Variants in PCNX1 observed in about 807,000 individuals in gnomAD.
The protein encoded by PCNX1 is pecanex 1, also known as pecanex-like protein 1.
In PCNX1, 78 loss-of-function variants were observed where a neutral mutation model predicts 242.2. The observed-to-expected ratio is 0.32, with a 90% confidence interval of 0.27 to 0.39. The LOEUF (loss-of-function observed/expected upper bound fraction) is 0.39. Among genes scored for constraint, PCNX1 ranks in the 10% least tolerant of loss-of-function variants. The probability of loss-of-function intolerance (pLI) is 1.00; values close to 1 mark genes in which losing one functional copy is unlikely to be tolerated. For missense variants in PCNX1, 2,581 were observed against 2,856.5 expected (o/e 0.90, Z 2.20); for synonymous variants, 1,024 against 1,032.9 (o/e 0.99, Z 0.17).
At chr14:70,985,067 G>T (rs957215178) in intron 6 of PCNX1, among the ~76,000 whole-genome samples, 1 of 152,200 alleles carries the variant, frequency 6.6e-6, no homozygotes, top group Non-Finnish European at 1.5e-5. Context: ...TGTCTAAAAT[G>T]TAAGAGGATA....
intron 11 of PCNX1, among the ~76,000 whole-genome samples, chr14:71,015,304 A>G (rs2059932579): frequency 6.6e-6 from 1 of 152,226 alleles, no homozygotes; most frequent in Non-Finnish European, 1.5e-5. Context: ...GGATAAATGT[A>G]AAATATTTTT....
At chr14:71,009,847 CAAAT>C (rs941252162) in intron 9 of PCNX1, 123 bp downstream of exon 9, 141 of 468,632 alleles carry the variant, frequency 3.0e-4, no homozygotes, top group Middle Eastern at 2.2e-3. Context: ...TGTTAATTGA[CAAAT>C]AAAAATCATA....
At chr14:71,005,046 G>GGGGAGGTA (rs1396910846) in intron 8 of PCNX1, among the ~76,000 whole-genome samples, 1 of 152,162 alleles carries the variant, frequency 6.6e-6, no homozygotes, top group Non-Finnish European at 1.5e-5. Flanking sequence ...GGGAAGGTTG[G>GGGGAGGTA]GGGAGGTAGG....
intron 5 of PCNX1, among the ~76,000 whole-genome samples, chr14:70,970,637 A>G (rs1221621127): frequency 6.6e-6 from 1 of 152,344 alleles, no homozygotes; most frequent in South Asian, 2.1e-4. Flanking sequence ...AGTGATGTCT[A>G]ACATGCACTG....
intron 26 of PCNX1, among the ~76,000 whole-genome samples, chr14:71,062,999 A>G (rs1032518293): frequency 2.0e-5 from 3 of 152,176 alleles, no homozygotes; most frequent in Non-Finnish European, 2.9e-5. Flanking sequence ...GCAATAGGCT[A>G]TATTATATAG....
chr14:71,067,495 G>T (rs1566768633), intron 26 of PCNX1, among the ~76,000 whole-genome samples: 2 of 151,938 alleles, frequency 1.3e-5, no homozygotes, highest in South Asian at 4.2e-4. Context: ...ATTTGATTCT[G>T]CTCTCTTTTC....
At chr14:71,108,358 A>G (rs377017257) in intron 33 of PCNX1, among the ~76,000 whole-genome samples, 1 of 152,236 alleles carries the variant, frequency 6.6e-6, no homozygotes, top group African/African-American at 2.4e-5. Flanking sequence ...ATTGTCTTTC[A>G]TATGCCACAG....
At chr14:71,022,256 T>A (rs2060124236) in intron 12 of PCNX1, among the ~76,000 whole-genome samples, 1 of 152,160 alleles carries the variant, frequency 6.6e-6, no homozygotes, top group Admixed American at 6.6e-5. Context: ...ATCATTTAAA[T>A]TCATTTTGCG....
chr14:71,078,105 G>C (rs946023598), intron 28 of PCNX1, among the ~76,000 whole-genome samples: 2 of 152,184 alleles, frequency 1.3e-5, no homozygotes, highest in Admixed American at 1.3e-4. Context: ...TCATCAGGTA[G>C]CTTATTTCAC....
chr14:70,926,493 C>T (rs921619846), intron 1 of PCNX1, among the ~76,000 whole-genome samples: 9 of 152,312 alleles, frequency 5.9e-5, no homozygotes, highest in African/African-American at 1.7e-4. Flanking sequence ...CAATTGGCTG[C>T]ATGTTTCAAG....
Position 71,103,502 on chromosome 14 carries a change from C to G in PCNX1, c.5928C>G (p.Ala1976=), listed in dbSNP as rs780034324. Residue 1976 remains alanine, a synonymous_variant, in exon 32 of 36, where the codon GCC becomes GCG. Transcript: ENST00000304743. The stretch of plus-strand genomic sequence containing the variant: ...GTAGCATCCAAAATGCAAAGCAAGC[C>G]CTGAGAAACATGATAAACTCATCTT... ...ERGSIQNAKQ[A]LRNMINSSCD... 1.2e-6 allele frequency: 2 copies of G among 1,614,112 alleles called. No individual in the cohort carries two copies. The highest frequency in any genetic ancestry group is 1.7e-6 in the Non-Finnish European group (2 of 1,180,008).
At position 70,913,700 on chromosome 14, in the gene PCNX1, C is replaced by T. The variant is rs562777837; in HGVS notation, c.153+5697C>T. On this transcript the variant is annotated intron_variant, in intron 1 of 35. Coordinates refer to ENST00000304743, the MANE Select transcript of PCNX1 (RefSeq NM_014982.3). ...TAAAGCTCTCAGGTCATTTTCTTTC[C>T]CCCAATTTAAAAGTATTTAAAGATC... Among the ~76,000 whole-genome samples, 10 of 152,072 alleles carry T rather than the reference C, an allele frequency of 6.6e-5. No individual in the cohort carries two copies. The East Asian group carries it at 1.9e-3, about 29-fold the overall frequency.
chr14:71,040,713 T>C (rs1266497768), intron 19 of PCNX1, among the ~76,000 whole-genome samples: 1 of 152,180 alleles, frequency 6.6e-6, no homozygotes, highest in Non-Finnish European at 1.5e-5. Context: ...TTATTTTTAA[T>C]GTACAATTAA....
intron 1 of PCNX1, among the ~76,000 whole-genome samples, chr14:70,923,157 G>A (rs951625606): frequency 1.3e-5 from 2 of 151,854 alleles, no homozygotes; most frequent in Admixed American, 6.6e-5. Context: ...TTTCTGAAAC[G>A]TTGTTTTTCT....
intron 19 of PCNX1, among the ~76,000 whole-genome samples, chr14:71,040,683 T>C (rs1031068030): frequency 1.3e-5 from 2 of 152,172 alleles, no homozygotes; most frequent in African/African-American, 2.4e-5. Flanking sequence ...CTTTGTGTTA[T>C]GATACAGTTA....
In PCNX1 at chr14:70,911,654, T is replaced by C. The variant is rs900380567; in HGVS notation, c.153+3651T>C. ...TGAATCTTGGCTTTGTTATTGATTG[T>C]GTGTCCTGTGGGCAAGACTCCACCT... On this transcript the variant is annotated intron_variant, in intron 1 of 35. Transcript: ENST00000304743. 4.6e-5 allele frequency among the ~76,000 whole-genome samples: 7 copies of C among 152,188 alleles called. No individual in the cohort carries two copies. In the South Asian group the frequency reaches 1.2e-3, roughly 27 times the overall value.
intron 1 of PCNX1, among the ~76,000 whole-genome samples, chr14:70,940,126 T>C (rs1332056453): frequency 1.3e-5 from 2 of 152,194 alleles, no homozygotes; most frequent in African/African-American, 4.8e-5. Flanking sequence ...TTAGCCCAAT[T>C]ACATTTAAGG....
chr14:71,011,793 A>G (rs2059828524), intron 10 of PCNX1: 2 of 432,056 alleles, frequency 4.6e-6, no homozygotes, highest in Non-Finnish European at 4.1e-6. Context: ...TTTGGAAAGT[A>G]TTTGTCAATG....
At chr14:71,099,516 A>G (rs888320076) in intron 30 of PCNX1, among the ~76,000 whole-genome samples, 2 of 151,586 alleles carry the variant, frequency 1.3e-5, no homozygotes, top group Admixed American at 6.6e-5. Flanking sequence ...GGTCGATCAT[A>G]GGGTATGTTC....
Sources: allele counts gnomAD v4.1 joint callset (sites outside exome capture counted in the v4.1 genomes callset), GRCh38; gene constraint gnomAD v4.1.1; transcripts MANE v1.5; gene names NCBI Gene and HGNC (gene_info 2026-07-23, HGNC 2026-07-21).